The following SCN4B variants were observed in gnomAD, a reference collection of about 807,000 sequenced individuals.
SCN4B encodes sodium voltage-gated channel beta subunit 4, also known as sodium channel regulatory subunit beta-4.
SCN4B carries 20 observed loss-of-function variants against 19.6 expected under a neutral mutation model. The observed-to-expected ratio is 1.02, with a 90% CI of 0.72 to 1.48. The LOEUF (loss-of-function observed/expected upper bound fraction) is 1.48, where lower values mean the gene tolerates loss of function less well. Among genes scored for constraint, SCN4B ranks in the 40% most tolerant of loss-of-function variants. The pLI is 0.00. For missense variants in SCN4B, 271 were observed against 287.5 expected, an observed-to-expected ratio of 0.94 and a Z score of 0.42; for synonymous variants, 127 against 122.8, an observed-to-expected ratio of 1.03 and a Z score of -0.22.
intron 1 of SCN4B, chr11:118,145,617 C>G: frequency 4.3e-6 from 2 of 465,032 alleles, no homozygotes; most frequent in South Asian, 4.0e-5. Context: ...GGCGGGCTCC[C>G]TTCTGTTTGC....
chr11:118,141,474 G>T, intron 3 of SCN4B, 138 bp from the exon 4 acceptor site: 2 of 965,432 alleles, frequency 2.1e-6, no homozygotes, highest in Non-Finnish European at 3.2e-6. Flanking sequence ...CAGACCCCCA[G>T]CCCTCCCCAG....
intron 1 of SCN4B, among the ~76,000 whole-genome samples, chr11:118,149,720 A>C (rs1948217642): frequency 6.6e-6 from 1 of 152,084 alleles, no homozygotes; most frequent in Non-Finnish European, 1.5e-5. Flanking sequence ...TTGTGTTGGC[A>C]CGGCCCACCC....
rs1948205236 is a variant in SCN4B, at chr11:118,148,505, G to A, written c.62-3276C>T. On this transcript the variant is annotated intron_variant, in intron 1 of 4. Coordinates refer to ENST00000324727, the MANE Select transcript of SCN4B (RefSeq NM_174934.4). The surrounding 1 kb of genome is among the most constrained non-coding windows in gnomAD (Gnocchi z 4.0). ...GCCAGCTGACCTTGAGAAAGTCAGA[G>A]GTGCCACATCCGGTGTGCATATCCC... Among the ~76,000 whole-genome samples, 1 of 152,234 alleles carries A rather than the reference G, an allele frequency of 6.6e-6. No homozygotes were observed. The highest frequency in any genetic ancestry group is 6.5e-5 in the Admixed American group (1 of 15,288).
Position 118,143,833 on chromosome 11 carries a change from G to A in SCN4B, c.463C>T (p.Leu155=), listed in dbSNP as rs761173704. Residue 155 remains leucine, a splice_region_variant and synonymous_variant, in exon 3 of 5, where the codon CTG becomes TTG. Transcript: ENST00000324727. ...CCCTGTGCCAGCCCCTACTGCATAC[G>A]TCTATCAACGACTTGGAGGAAGATG... The part of the protein sequence containing the change: ...ATIFLQVVDR[L]EEVDNTVTLI... 1.4e-5 allele frequency: 23 copies of A among 1,609,952 alleles called. No homozygotes were observed. Among genetic ancestry groups the A allele is most frequent in the African/African-American group, 4.0e-5 (3 of 74,776 alleles).
chr11:118,149,075 G>A (rs1019154430), intron 1 of SCN4B, among the ~76,000 whole-genome samples: 14 of 152,152 alleles, frequency 9.2e-5, no homozygotes, highest in Admixed American at 2.0e-4. Context: ...ATCCTCATCT[G>A]GGGTTTTGTC....
Position 118,152,645 on chromosome 11 carries a change from G to T in SCN4B, c.29C>A (p.Ala10Asp). The T allele has an allele frequency of 6.2e-7, 1 of 1,611,806 alleles. No individual in the cohort carries two copies. Among genetic ancestry groups the T allele is most frequent in the Non-Finnish European group, 8.5e-7 (1 of 1,178,768 alleles). Residue 10 changes from alanine to aspartate, a missense_variant, in exon 1 of 5, where the codon GCC (alanine) becomes GAC (aspartate). Transcript: ENST00000324727. The stretch of plus-strand genomic sequence containing the variant: ...CCCAGTGCCCAGCCATCTCGCCGGG[G>T]CTTTGCCTCCGTCCCCAGCCCCGGG... MPGAGDGGK[A>D]PARWLGTGLL...
Position 118,145,158 on chromosome 11 carries a change from T to C in SCN4B, c.133A>G (p.Asn45Asp). 1 of 1,614,076 alleles carries C rather than the reference T, an allele frequency of 6.2e-7. No homozygotes were observed. Among genetic ancestry groups the C allele is most frequent in the East Asian group, 2.2e-5 (1 of 44,878 alleles). ...CAGGGCAGCAGGATCTCCGTGCCAT[T>C]GACAGCGTAGATGTCGGTGGCCTTT... is the stretch of plus-strand genomic sequence containing the variant. ...VGKATDIYAV[N>D]GTEILLPCTF... The change falls in exon 2 of 5, where the codon AAT becomes GAT. Residue 45 changes from asparagine (N) to aspartate (D), a missense_variant. By Grantham distance (23) the Asn-to-Asp change is conservative. Transcript: ENST00000324727.
chr11:118,147,194 T>A (rs1948188604), intron 1 of SCN4B, among the ~76,000 whole-genome samples: 1 of 152,224 alleles, frequency 6.6e-6, no homozygotes, highest in Non-Finnish European at 1.5e-5. Flanking sequence ...TTTATTAGAA[T>A]GCTCAAAGGC....
intron 4 of SCN4B, among the ~76,000 whole-genome samples, chr11:118,139,904 T>TTC (rs201321898): frequency 0.016 from 1,904 of 120,806 alleles, 93 homozygotes; most frequent in Admixed American, 0.094. Flanking sequence ...TTTTTTTCTT[T>TTC]TTTCTTTTTT....
In SCN4B at chr11:118,141,320, G is replaced by C. The variant is rs72546675; in HGVS notation, c.480C>G (p.Asn160Lys). Residue 160 changes from asparagine (N) to lysine (K), a missense_variant, in exon 4 of 5, where the codon AAC becomes AAG. Physicochemically the swap from Asn to Lys is moderately conservative, Grantham distance 94 (BLOSUM62 0). Transcript: ENST00000324727. ...QVVDRLEEVDNTVTLIILAVV... is the reference protein window; with the variant it reads ...QVVDRLEEVDKTVTLIILAVV... ...CAGCCAGGATGATGAGTGTCACTGT[G>C]TTGTCCACTTCTTCCACTGTGTGGC... 9.3e-6 allele frequency: 15 copies of C among 1,612,416 alleles called. No individual in the cohort carries two copies. The Admixed American group carries it at 2.5e-4, about 27-fold the overall frequency.
In SCN4B at chr11:118,134,311, C is replaced by A. The variant is rs1947961430; in HGVS notation, c.*2716G>T. ...CCCAGCTGCATGTGGCCAGGTCTCT[C>A]AAGATCGACTTTGTAAGTGGCTCTC... On this transcript the variant is annotated 3_prime_UTR_variant, in exon 5 of 5. Transcript: ENST00000324727. The A allele has an allele frequency of 2.2e-6, 1 of 454,040 alleles. No individual in the cohort carries two copies. Among genetic ancestry groups the A allele is most frequent in the Non-Finnish European group, 4.4e-6 (1 of 226,814 alleles). The allele number at this position is 454,040 out of a possible 1,614,324, so 28.1% of individuals were successfully genotyped here.
chr11:118,150,842 T>C (rs1448635556), intron 1 of SCN4B, among the ~76,000 whole-genome samples: 1 of 152,112 alleles, frequency 6.6e-6, no homozygotes, highest in Non-Finnish European at 1.5e-5. Flanking sequence ...CAGTATTACC[T>C]GGTCAAGGGC....
At chr11:118,146,542 G>A (rs1201960807) in intron 1 of SCN4B, among the ~76,000 whole-genome samples, 1 of 152,170 alleles carries the variant, frequency 6.6e-6, no homozygotes, top group African/African-American at 2.4e-5. Context: ...ATGATAATGC[G>A]TCTGAGCAAT....
intron 4 of SCN4B, among the ~76,000 whole-genome samples, chr11:118,138,069 A>G (rs1948043355): frequency 1.3e-5 from 2 of 152,094 alleles, no homozygotes; most frequent in Admixed American, 1.3e-4. Flanking sequence ...TCTGAGCTGG[A>G]CATGCTCCAA....
chr11:118,150,404 C>T (rs1054181009), intron 1 of SCN4B, among the ~76,000 whole-genome samples: 4 of 152,144 alleles, frequency 2.6e-5, no homozygotes, highest in Non-Finnish European at 5.9e-5. Context: ...GCTCTGTACC[C>T]AGTCTCCGAA....
At chr11:118,141,099 T>TGGGGATGGG in intron 4 of SCN4B, 108 bp downstream of exon 4, 1 of 1,234,216 alleles carries the variant, frequency 8.1e-7, no homozygotes. Flanking sequence ...GCGGTAGGAA[T>TGGGGATGGG]GGGAATGGGG....
Position 118,135,208 on chromosome 11 carries a change from G to A in SCN4B, c.*1819C>T, listed in dbSNP as rs534802709. ...TTCTGGGTAGAGAAGAATGGGAGGC[G>A]CACAGGCAGATCAGACGGGGAACTG... On this transcript the variant is annotated 3_prime_UTR_variant, in exon 5 of 5. Coordinates refer to ENST00000324727, the MANE Select transcript of SCN4B (RefSeq NM_174934.4). 3.7e-4 allele frequency: 168 copies of A among 453,942 alleles called. 1 individual carries two copies. The highest frequency in any genetic ancestry group is 5.2e-4 in the Admixed American group (22 of 42,566). 28.1% of individuals were successfully genotyped at this position (453,942 alleles called of 1,614,324 possible). A position where few individuals can be genotyped will look rare whatever the true frequency, so the allele number is the denominator to read the frequency against.
chr11:118,139,312 T>G (rs1273514033), intron 4 of SCN4B, among the ~76,000 whole-genome samples: 1 of 152,032 alleles, frequency 6.6e-6, no homozygotes, highest in Admixed American at 6.6e-5. Context: ...CCCCAGGGCT[T>G]AAGTTATATT....
intron 1 of SCN4B, among the ~76,000 whole-genome samples, chr11:118,146,352 A>T (rs1948176216): frequency 6.6e-6 from 1 of 151,316 alleles, no homozygotes. Context: ...CCCCAAGGAA[A>T]CCCCACTCGC....
Sources: allele counts gnomAD v4.1 joint callset (sites outside exome capture counted in the v4.1 genomes callset), GRCh38; gene constraint gnomAD v4.1.1; non-coding constraint Gnocchi (gnomAD v3.1); transcripts MANE v1.5; gene names NCBI Gene and HGNC (gene_info 2026-07-23, HGNC 2026-07-21).